HDAC9: variants seen among roughly 807,000 people sequenced by gnomAD.
HDAC9 encodes the protein MEF-2 interacting transcription repressor (MITR) protein.
HDAC9 carries 41 observed loss-of-function variants against 139.4 expected under a neutral mutation model. The ratio of observed to expected loss-of-function variants is 0.29; its 90% CI spans 0.23 to 0.38. HDAC9 has a LOEUF of 0.38. HDAC9 is among the 10% of genes least tolerant of loss of function. HDAC9 has a pLI of 1.00. For synonymous variants in HDAC9, 517 were observed against 476.2 expected (o/e 1.09, Z -1.12); for missense variants, 1,147 against 1,297.0 (o/e 0.88, Z 1.78).
intron 2 of HDAC9, among the ~76,000 whole-genome samples, chr7:18,506,760 C>T (rs937766372): frequency 1.3e-5 from 2 of 151,886 alleles, no homozygotes; most frequent in Non-Finnish European, 2.9e-5. Context: ...TAAAATATAG[C>T]CATAAAAGAT....
At chr7:18,920,358 T>C (rs1381243450) in intron 22 of HDAC9, among the ~76,000 whole-genome samples, 2 of 152,096 alleles carry the variant, frequency 1.3e-5, no homozygotes, top group African/African-American at 2.4e-5. Flanking sequence ...CCTGAGACTT[T>C]GCTGAAGTTG....
At chr7:18,506,450 T>C (rs755453230) in intron 2 of HDAC9, among the ~76,000 whole-genome samples, 9 of 152,218 alleles carry the variant, frequency 5.9e-5, no homozygotes, top group South Asian at 2.1e-4. Flanking sequence ...CTCGTGAATA[T>C]GGCATTACAC....
At chr7:18,428,164 T>A (rs1018411011) in intron 1 of HDAC9, among the ~76,000 whole-genome samples, 3 of 152,210 alleles carry the variant, frequency 2.0e-5, no homozygotes, top group Non-Finnish European at 2.9e-5. Context: ...TCAATTTTTT[T>A]ATAAATACTC....
chr7:18,688,559 T>C (rs1290296790), intron 12 of HDAC9, among the ~76,000 whole-genome samples: 2 of 152,080 alleles, frequency 1.3e-5, no homozygotes, highest in Non-Finnish European at 2.9e-5. Flanking sequence ...CCAATTTTGA[T>C]ACTGACTTCT....
At chr7:18,394,132 A>G (rs2128726492) in intron 1 of HDAC9, among the ~76,000 whole-genome samples, 1 of 152,238 alleles carries the variant, frequency 6.6e-6, no homozygotes, top group East Asian at 1.9e-4. Context: ...TAGTCTTTAA[A>G]TAATGTCCAC....
intron 2 of HDAC9, among the ~76,000 whole-genome samples, chr7:18,243,472 G>A (rs1295508400): frequency 6.6e-6 from 1 of 152,218 alleles, no homozygotes; most frequent in Non-Finnish European, 1.5e-5. Flanking sequence ...CAGTCACACA[G>A]TGATGACTTG....
rs556668931 is a variant in HDAC9, at chr7:18,140,190, C to T, written c.-96-22039C>T. On this transcript the variant is annotated intron_variant, in intron 1 of 12. Transcript: ENST00000417496. ...TCCCAAAATGAAATCTGCAAACATC[C>T]CGGGACCCTTCTACCTGGGAAAGGA... Among the ~76,000 whole-genome samples, 14 of 152,200 alleles carry T rather than the reference C, an allele frequency of 9.2e-5. No homozygotes were observed. In the South Asian group the frequency reaches 1.9e-3, roughly 20 times the overall value.
At chr7:18,256,676 G>A (rs1008396758) in intron 2 of HDAC9, among the ~76,000 whole-genome samples, 1 of 152,134 alleles carries the variant, frequency 6.6e-6, no homozygotes, top group Non-Finnish European at 1.5e-5. Context: ...GATAATGGTG[G>A]AATGTTTAGG....
chr7:18,419,267 A>T (rs750314094), intron 1 of HDAC9, among the ~76,000 whole-genome samples: 1 of 152,218 alleles, frequency 6.6e-6, no homozygotes. Flanking sequence ...TATGATATTA[A>T]TAATAAATAT....
chr7:18,175,843 T>C (rs1026300304), intron 2 of HDAC9, among the ~76,000 whole-genome samples: 3 of 143,060 alleles, frequency 2.1e-5, no homozygotes, highest in Non-Finnish European at 4.6e-5. Context: ...TGATAGATGG[T>C]TGCTCCTCAC....
chr7:18,096,353 T>A (rs1021890364), intron 1 of HDAC9, among the ~76,000 whole-genome samples: 10 of 152,194 alleles, frequency 6.6e-5, no homozygotes, highest in African/African-American at 2.4e-4. Context: ...TTCTTTGGTC[T>A]CCACTTAGTT....
At chr7:18,194,805 G>T (rs1790615521) in intron 2 of HDAC9, among the ~76,000 whole-genome samples, 1 of 152,110 alleles carries the variant, frequency 6.6e-6, no homozygotes, top group South Asian at 2.1e-4. Context: ...ATCTACTGGT[G>T]TTTGATGTTT....
intron 7 of HDAC9, among the ~76,000 whole-genome samples, chr7:18,631,959 A>C (rs1289180758): frequency 6.6e-6 from 1 of 151,978 alleles, no homozygotes; most frequent in Non-Finnish European, 1.5e-5. Flanking sequence ...TGATTTCTAC[A>C]TAAGGAAATA....
At chr7:18,221,534 A>G (rs919192035) in intron 2 of HDAC9, among the ~76,000 whole-genome samples, 1 of 152,162 alleles carries the variant, frequency 6.6e-6, no homozygotes, top group Non-Finnish European at 1.5e-5. Context: ...CAGTATCCTT[A>G]TAAAGCAGAT....
Position 18,631,733 on chromosome 7 carries a change from TC to T in HDAC9, c.796+2257del, listed in dbSNP as rs921487252. On this transcript the variant is annotated intron_variant, in intron 7 of 25. Coordinates refer to ENST00000686413, the MANE Select transcript of HDAC9 (RefSeq NM_178425.4). ...GTTCTTTTCAAATGTTAAAATTGAC[TC>T]CCCCTGTGCCTGCAATGCCTTCTCT... Among the ~76,000 whole-genome samples, 10 of 152,014 alleles carry T rather than the reference TC, an allele frequency of 6.6e-5. No homozygotes were observed. In the South Asian group the frequency reaches 1.0e-3, roughly 16 times the overall value.
intron 22 of HDAC9, among the ~76,000 whole-genome samples, chr7:18,892,400 TA>T (rs1043362497): frequency 1.3e-5 from 2 of 152,094 alleles, no homozygotes; most frequent in African/African-American, 4.8e-5. Flanking sequence ...AACTAAAGCA[TA>T]AAAAAGATAA....
At chr7:18,971,655 C>T (rs1227576997) in intron 24 of HDAC9, among the ~76,000 whole-genome samples, 2 of 152,158 alleles carry the variant, frequency 1.3e-5, no homozygotes, top group African/African-American at 2.4e-5. Context: ...TAGAGATAGT[C>T]GTCTATAAAT....
intron 2 of HDAC9, among the ~76,000 whole-genome samples, chr7:18,271,706 T>G (rs1307184410): frequency 6.6e-6 from 1 of 152,216 alleles, no homozygotes; most frequent in Non-Finnish European, 1.5e-5. Flanking sequence ...CTTCCTTGGA[T>G]GCTAAGTTGT....
Position 18,577,275 on chromosome 7 carries a change from C to T in HDAC9, c.23-8006C>T, listed in dbSNP as rs185421304. On this transcript the variant is annotated intron_variant, in intron 2 of 25. Coordinates refer to ENST00000686413, the MANE Select transcript of HDAC9 (RefSeq NM_178425.4). ...CTGCCTACCTTTCTGACCTTTCATT[C>T]CACCTGTGCCTTGTAGAGTCCAATC... Among the ~76,000 whole-genome samples the T allele has an allele frequency of 3.2e-4, 49 of 152,270 alleles. No homozygotes were observed. The East Asian group carries it at 8.7e-3, about 27-fold the overall frequency.
Sources: allele counts gnomAD v4.1 joint callset (sites outside exome capture counted in the v4.1 genomes callset), GRCh38; gene constraint gnomAD v4.1.1; transcripts MANE v1.5; gene names NCBI Gene and HGNC (gene_info 2026-07-23, HGNC 2026-07-21).